The following SH3TC1 variants were observed in gnomAD, a reference collection of about 807,000 sequenced individuals.
SH3TC1 encodes the protein SH3 domain and tetratricopeptide repeat-containing protein 1.
SH3TC1 carries 135 observed loss-of-function variants against 117.3 expected under a neutral mutation model. That is an observed-to-expected ratio of 1.15 (90% confidence interval 1.00 to 1.33). The LOEUF (loss-of-function observed/expected upper bound fraction) is 1.33, where lower values mean the gene tolerates loss of function less well. Among genes scored for constraint, SH3TC1 ranks in the 40% most tolerant of loss-of-function variants. SH3TC1 has a pLI of 0.00. For missense variants in SH3TC1, 2,092 were observed against 1,794.3 expected (o/e 1.17, Z -3.00); for synonymous variants, 898 against 816.9 (o/e 1.10, Z -1.69).
At position 8,219,382 on chromosome 4, in the gene SH3TC1, G is replaced by C. The variant is rs141127247; in HGVS notation, c.964G>C (p.Glu322Gln). 2 of 1,608,902 alleles carry C rather than the reference G, an allele frequency of 1.2e-6. No individual in the cohort carries two copies. The highest frequency in any genetic ancestry group is 2.7e-5 in the African/African-American group (2 of 74,840). ...GGCAGACTTCCAGGGCTCGGGGCCC[G>C]AAGAGATGACCTTCCGAGGTGGCGA... is the stretch of plus-strand genomic sequence containing the variant. ...ALADFQGSGPEEMTFRGGDLI... is the reference protein window; with the variant it reads ...ALADFQGSGPQEMTFRGGDLI... Residue 322 changes from glutamate to glutamine, a missense_variant, in exon 9 of 18, where the codon GAA becomes CAA. Coordinates refer to ENST00000245105, the MANE Select transcript of SH3TC1 (RefSeq NM_018986.5).
chr4:8,215,814 A>G (rs749616250), intron 5 of SH3TC1, among the ~76,000 whole-genome samples: 4 of 152,174 alleles, frequency 2.6e-5, no homozygotes, highest in Non-Finnish European at 5.9e-5. Flanking sequence ...ACGGCCCCCG[A>G]CCATATGGTC....
intron 1 of SH3TC1, among the ~76,000 whole-genome samples, chr4:8,187,463 G>C (rs1018376958): frequency 1.1e-4 from 17 of 152,166 alleles, no homozygotes; most frequent in Non-Finnish European, 2.1e-4. Context: ...GCCCGGGGGG[G>C]TCTGTCTGTC....
At chr4:8,221,439 G>A (rs997109604) in intron 9 of SH3TC1, among the ~76,000 whole-genome samples, 4 of 151,958 alleles carry the variant, frequency 2.6e-5, no homozygotes, top group Non-Finnish European at 4.4e-5. Flanking sequence ...CAACCTGGTA[G>A]CTCTTCTTTT....
At chr4:8,218,163 GGACCTGCTCAGGTTGCT>G in intron 7 of SH3TC1, 91 bp from the exon 8 acceptor site, 1 of 677,090 alleles carries the variant, frequency 1.5e-6, no homozygotes, top group South Asian at 1.9e-5. Context: ...GGGAGGCGAG[GGACCTGCTCAGGTTGCT>G]GGGGGCTGCT....
chr4:8,227,787 C>T lies in SH3TC1; in HGVS notation c.2093C>T (p.Ser698Leu), dbSNP rs377238446. The change falls in exon 12 of 18, where the codon TCG (serine) becomes TTG (leucine). Residue 698 changes from serine to leucine, a missense_variant. Physicochemically the swap from Ser to Leu is moderately radical, Grantham distance 145 (BLOSUM62 -2). Transcript: ENST00000245105. The part of the protein sequence containing the change: ...LERLLLLHRD[S>L]GAPEAAWLSD... ...CGGCTGCTGCTTTTGCACAGGGACT[C>T]GGGAGCCCCAGAGGCCGCGTGGCTC... The T allele has an allele frequency of 5.6e-5, 90 of 1,612,520 alleles. No homozygotes were observed. Among genetic ancestry groups the T allele is most frequent in the Non-Finnish European group, 6.5e-5 (77 of 1,179,926 alleles).
At chr4:8,189,083 CT>C (rs1235902724) in intron 1 of SH3TC1, among the ~76,000 whole-genome samples, 1 of 152,278 alleles carries the variant, frequency 6.6e-6, no homozygotes, top group East Asian at 1.9e-4. Flanking sequence ...TGACTGGGCT[CT>C]GCCCCCTTCT....
rs1372580804 is a variant in SH3TC1, at chr4:8,227,549, A to T, written c.1855A>T (p.Lys619Ter). The change falls in exon 12 of 18, where the codon AAG (lysine) becomes TAG (stop). Residue 619 changes from lysine (K) to a stop codon, truncating the protein, a stop_gained. Coordinates refer to ENST00000245105, the MANE Select transcript of SH3TC1 (RefSeq NM_018986.5). LOFTEE classifies it high-confidence loss of function. ...SIYRKQKNRE[K>*]CAQVVPKAMA... is the part of the protein sequence containing the mutation. ...TTACCGGAAGCAGAAGAACCGGGAG[A>T]AGTGTGCACAGGTGGTGCCCAAAGC... is the stretch of plus-strand genomic sequence containing the variant. 2 of 1,529,266 alleles carry T rather than the reference A, an allele frequency of 1.3e-6. No individual in the cohort carries two copies. The highest frequency in any genetic ancestry group is 8.8e-7 in the Non-Finnish European group (1 of 1,141,994). The allele number at this position is 1,529,266 out of a possible 1,614,324, so 94.7% of individuals were successfully genotyped here.
rs1719042944 is a variant in SH3TC1, at chr4:8,214,489, G to A, written c.390G>A (p.Arg130=). The A allele has an allele frequency of 3.1e-6, 5 of 1,613,890 alleles. No individual in the cohort carries two copies. The highest frequency in any genetic ancestry group is 4.2e-6 in the Non-Finnish European group (5 of 1,179,934). The change falls in exon 5 of 18, where the codon AGG becomes AGA. Residue 130 remains arginine, a synonymous_variant. Coordinates refer to ENST00000245105, the MANE Select transcript of SH3TC1 (RefSeq NM_018986.5). Reference sequence around the variant, plus strand: ...TTTCTCTTAAGGAATTATCAGCCAGGCTGCTGTCCATCCACAGTGACCAGG... The same window carrying A: ...TTTCTCTTAAGGAATTATCAGCCAGACTGCTGTCCATCCACAGTGACCAGG... ...MARVLGELSA[R]LLSIHSDQDR... is the part of the protein sequence containing the mutation.
At position 8,235,477 on chromosome 4, in the gene SH3TC1, G is replaced by GT; in HGVS notation, c.3327_3328insT (p.Leu1110SerfsTer5). On this transcript the variant is annotated frameshift_variant, in exon 15 of 18. Transcript: ENST00000245105. LOFTEE classifies it high-confidence loss of function. Reference sequence around the variant, plus strand: ...TGTACACAGGCGACCCCAACCTGGGGCTGGAGCTGTTTGAGGCGGCTGGAG... The same window carrying GT: ...TGTACACAGGCGACCCCAACCTGGGGTCTGGAGCTGTTTGAGGCGGCTGGAG... The GT allele has an allele frequency of 6.2e-7, 1 of 1,603,394 alleles. No homozygotes were observed. Among genetic ancestry groups the GT allele is most frequent in the Non-Finnish European group, 8.5e-7 (1 of 1,173,954 alleles).
chr4:8,183,248 G>A lies in SH3TC1; in HGVS notation c.-57+1038G>A, dbSNP rs539295055. Reference sequence around the variant, plus strand: ...GGAGCCCGTCCTCATCCTCCCCCTCGTTTACAGAGGAAGGCCGGCGCTCAA... The same window carrying A: ...GGAGCCCGTCCTCATCCTCCCCCTCATTTACAGAGGAAGGCCGGCGCTCAA... On this transcript the variant is annotated intron_variant, in intron 1 of 16. Transcript: ENST00000508641. This position sits in a 1 kb window ranked among gnomAD's most constrained non-coding sequence, Gnocchi z 5.4. Among the ~76,000 whole-genome samples, 4 of 152,290 alleles carry A rather than the reference G, an allele frequency of 2.6e-5. No individual in the cohort carries two copies. Among genetic ancestry groups the A allele is most frequent in the African/African-American group, 7.2e-5 (3 of 41,564 alleles).
At chr4:8,229,841 C>G (rs544933043) in intron 12 of SH3TC1, among the ~76,000 whole-genome samples, 2 of 152,078 alleles carry the variant, frequency 1.3e-5, no homozygotes, top group Non-Finnish European at 2.9e-5. Context: ...GCACCTCCTA[C>G]GAGGCCCTCC....
chr4:8,225,003 C>T lies in SH3TC1; in HGVS notation c.1244-172C>T, dbSNP rs1253953695. The T allele has an allele frequency of 1.3e-6, 1 of 749,680 alleles. No homozygotes were observed. Among genetic ancestry groups the T allele is most frequent in the Non-Finnish European group, 2.2e-6 (1 of 451,854 alleles). 46.4% of individuals were successfully genotyped at this position (749,680 alleles called of 1,614,324 possible). Reference sequence around the variant, plus strand: ...CCCTGCAACACCTCAGCCTGCAACACCTGCACCCTGCAACACTCCAGCCCG... The same window carrying T: ...CCCTGCAACACCTCAGCCTGCAACATCTGCACCCTGCAACACTCCAGCCCG... On this transcript the variant is annotated intron_variant, in intron 10 of 17. Coordinates refer to ENST00000245105, the MANE Select transcript of SH3TC1 (RefSeq NM_018986.5). This position sits in a 1 kb window ranked among gnomAD's most constrained non-coding sequence, Gnocchi z 5.5.
At chr4:8,198,097 G>A (rs1417073117), upstream of SH3TC1, among the ~76,000 whole-genome samples, 2 of 152,068 alleles carry the variant, frequency 1.3e-5, no homozygotes, top group Non-Finnish European at 2.9e-5. Flanking sequence ...CAGTGCACAG[G>A]ACAGCCCCCC....
chr4:8,221,863 GA>G (rs1719949892), intron 9 of SH3TC1, among the ~76,000 whole-genome samples: 1 of 152,170 alleles, frequency 6.6e-6, no homozygotes, highest in Non-Finnish European at 1.5e-5. Flanking sequence ...TCCTTAATGT[GA>G]AACAGCTTTT....
chr4:8,218,104 A>T, intron 7 of SH3TC1, 167 bp from the exon 8 acceptor site: 1 of 498,602 alleles, frequency 2.0e-6, no homozygotes, highest in Admixed American at 3.4e-5. Flanking sequence ...AAGGCCACAC[A>T]CCTGGGCAGG....
chr4:8,220,550 T>C (rs1232663772), intron 9 of SH3TC1, among the ~76,000 whole-genome samples: 1 of 151,838 alleles, frequency 6.6e-6, no homozygotes, highest in Non-Finnish European at 1.5e-5. Flanking sequence ...TGGAGAGGAG[T>C]CAGCTGTGCC....
At chr4:8,196,941 G>A (rs191649664), upstream of SH3TC1, among the ~76,000 whole-genome samples, 617 of 152,274 alleles carry the variant, frequency 4.1e-3, 3 homozygotes, top group Non-Finnish European at 5.8e-3. This position sits in a 1 kb window ranked among gnomAD's most constrained non-coding sequence, Gnocchi z 4.6. Flanking sequence ...CACTGTCCCA[G>A]GCCTGCTTCA....
chr4:8,187,709 G>C (rs746542640), intron 1 of SH3TC1, among the ~76,000 whole-genome samples: 2 of 151,838 alleles, frequency 1.3e-5, no homozygotes, highest in Non-Finnish European at 2.9e-5. Context: ...GTGCCACCGC[G>C]CCCATCTAAT....
Position 8,209,712 on chromosome 4 carries a change from G to C in SH3TC1, c.173-36G>C. On this transcript the variant is annotated intron_variant, in intron 2 of 17. Transcript: ENST00000245105. The surrounding 1 kb of genome is among the most constrained non-coding windows in gnomAD (Gnocchi z 5.9). ...CTTCAGAGGAGCCAGGCCTTTGCTT[G>C]GTCTCCCCTAATCCTGGGAACCTGC... 6.2e-7 allele frequency: 1 copy of C among 1,613,058 alleles called. No individual in the cohort carries two copies. Among genetic ancestry groups the C allele is most frequent in the South Asian group, 1.1e-5 (1 of 90,844 alleles).
Sources: gnomAD v4.1 joint callset for allele counts (sites outside exome capture counted in the v4.1 genomes callset) on GRCh38, gnomAD v4.1.1 for gene constraint, Gnocchi (gnomAD v3.1) non-coding constraint, MANE v1.5 for transcripts, NCBI Gene and HGNC (gene_info 2026-07-23, HGNC 2026-07-21) for gene names.